Variants in OCLN observed in about 807,000 individuals in gnomAD.
The protein encoded by OCLN is phosphatase 1, regulatory subunit 115.
In OCLN, 21 loss-of-function variants were observed where a neutral mutation model predicts 47.9. That is an observed-to-expected ratio of 0.44 (90% confidence interval 0.31 to 0.63). The LOEUF is 0.63. Among genes scored for constraint, OCLN ranks in the 30% least tolerant of loss-of-function variants. OCLN has a pLI of 0.08. For missense variants in OCLN, 360 were observed against 571.0 expected, an observed-to-expected ratio of 0.63 and a Z score of 3.77; for synonymous variants, 117 against 198.4, an observed-to-expected ratio of 0.59 and a Z score of 3.45.
At chr5:69,531,426 C>T (rs1769428925) in intron 4 of OCLN, among the ~76,000 whole-genome samples, 1 of 152,172 alleles carries the variant, frequency 6.6e-6, no homozygotes. Context: ...CTAAAGCTCA[C>T]GCTGTGAGGA....
intron 7 of OCLN, among the ~76,000 whole-genome samples, chr5:69,550,212 G>T: frequency 1.0e-5 from 1 of 96,628 alleles, no homozygotes; most frequent in Non-Finnish European, 2.1e-5. Context: ...TTTTTTTTGA[G>T]ACGGAGTCTT....
At chr5:69,520,501 A>G (rs1012737231) in intron 4 of OCLN, among the ~76,000 whole-genome samples, 4 of 151,532 alleles carry the variant, frequency 2.6e-5, no homozygotes, top group Non-Finnish European at 5.9e-5. Flanking sequence ...GGGTTTCACC[A>G]TCTTGGCCAG....
chr5:69,525,152 T>A (rs1336238303), intron 4 of OCLN, among the ~76,000 whole-genome samples: 2 of 152,066 alleles, frequency 1.3e-5, no homozygotes, highest in African/African-American at 2.4e-5. Flanking sequence ...TCACCCAGGC[T>A]GGAGTGCAGT....
intron 1 of OCLN, among the ~76,000 whole-genome samples, chr5:69,494,053 C>T (rs987721008): frequency 1.3e-5 from 2 of 152,218 alleles, no homozygotes; most frequent in African/African-American, 4.8e-5. Context: ...ATTGGGATAC[C>T]TGGAAAAGAG....
intron 2 of OCLN, among the ~76,000 whole-genome samples, chr5:69,508,326 C>T (rs72773455): frequency 0.011 from 1,636 of 152,104 alleles, 17 homozygotes; most frequent in Non-Finnish European, 0.018. Flanking sequence ...AACAGCGTAT[C>T]TCAGTTTGGA....
Position 69,493,809 on chromosome 5 carries a change from G to A in OCLN, c.-69+909G>A, listed in dbSNP as rs941803688. 2.6e-5 allele frequency among the ~76,000 whole-genome samples: 4 copies of A among 152,196 alleles called. No homozygotes were observed. Among genetic ancestry groups the A allele is most frequent in the African/African-American group, 9.6e-5 (4 of 41,452 alleles). On this transcript the variant is annotated intron_variant, in intron 1 of 8. Coordinates refer to ENST00000396442, the MANE Select transcript of OCLN (RefSeq NM_001205254.2). The surrounding 1 kb of genome is among the most constrained non-coding windows in gnomAD (Gnocchi z 5.3). ...ATGTTGCCTGCGTCGGAGGAAGCGT[G>A]CGGGGAGCAGGGGTCGAGGGCCAAG...
intron 4 of OCLN, among the ~76,000 whole-genome samples, chr5:69,516,939 A>G (rs1195915315): frequency 6.6e-6 from 1 of 152,172 alleles, no homozygotes; most frequent in African/African-American, 2.4e-5. Flanking sequence ...GTATGCCTGT[A>G]GTCCCAGCTA....
intron 4 of OCLN, among the ~76,000 whole-genome samples, chr5:69,515,328 G>A (rs1768907958): frequency 7.0e-6 from 1 of 141,906 alleles, no homozygotes; most frequent in Non-Finnish European, 1.6e-5. Flanking sequence ...CCGGGCAGAG[G>A]GGCTCCTCAC....
chr5:69,538,131 T>G (rs1328253012), intron 5 of OCLN, among the ~76,000 whole-genome samples: 1 of 151,748 alleles, frequency 6.6e-6, no homozygotes, highest in Non-Finnish European at 1.5e-5. Context: ...TGCCGTATAC[T>G]TTTATTAGTC....
chr5:69,510,616 G>A (rs1391577848), intron 3 of OCLN, among the ~76,000 whole-genome samples: 5 of 152,098 alleles, frequency 3.3e-5, no homozygotes, highest in African/African-American at 1.2e-4. Context: ...CCCGGGAGGC[G>A]GAGCTTGCAG....
chr5:69,532,988 T>C (rs1003454141), intron 4 of OCLN, among the ~76,000 whole-genome samples: 20 of 80,098 alleles, frequency 2.5e-4, no homozygotes, highest in Non-Finnish European at 4.5e-4. Flanking sequence ...TATATATATA[T>C]GTATGCATGT....
intron 5 of OCLN, among the ~76,000 whole-genome samples, chr5:69,537,940 G>A (rs1769634295): frequency 8.7e-6 from 1 of 115,406 alleles, no homozygotes; most frequent in South Asian, 3.4e-4. Flanking sequence ...TGGTGACAGT[G>A]CCTTCTTCTG....
At chr5:69,550,512 A>C (rs1769838571) in intron 7 of OCLN, among the ~76,000 whole-genome samples, 1 of 150,726 alleles carries the variant, frequency 6.6e-6, no homozygotes, top group Non-Finnish European at 1.5e-5. Context: ...ACTAAAACTA[A>C]TTCCAGAATG....
intron 4 of OCLN, among the ~76,000 whole-genome samples, chr5:69,532,740 G>T (rs961858773): frequency 6.6e-6 from 1 of 152,056 alleles, no homozygotes; most frequent in African/African-American, 2.4e-5. Flanking sequence ...GGCCGAGGTG[G>T]GTGGATCATT....
intron 7 of OCLN, among the ~76,000 whole-genome samples, chr5:69,548,374 C>T (rs989247021): frequency 1.6e-4 from 23 of 147,358 alleles, no homozygotes; most frequent in Admixed American, 6.8e-4. Context: ...AGTGCAGTGG[C>T]GTGATCTCAG....
chr5:69,505,164 C>T (rs748794554), intron 2 of OCLN, among the ~76,000 whole-genome samples: 1 of 152,062 alleles, frequency 6.6e-6, no homozygotes, highest in African/African-American at 2.4e-5. Context: ...ACAGGAGAAT[C>T]GCTTGAACCC....
At chr5:69,549,797 T>G (rs1769813056) in intron 7 of OCLN, among the ~76,000 whole-genome samples, 1 of 151,792 alleles carries the variant, frequency 6.6e-6, no homozygotes, top group African/African-American at 2.4e-5. Flanking sequence ...TTTTATACTG[T>G]GAATTATAAT....
At chr5:69,512,987 C>T (rs1048246070) in intron 3 of OCLN, among the ~76,000 whole-genome samples, 1 of 152,116 alleles carries the variant, frequency 6.6e-6, no homozygotes, top group African/African-American at 2.4e-5. Context: ...ATTTAGAAGA[C>T]TGAAGGTTTT....
At chr5:69,500,119 G>C (rs1198079696) in intron 1 of OCLN, among the ~76,000 whole-genome samples, 1 of 152,190 alleles carries the variant, frequency 6.6e-6, no homozygotes, top group Admixed American at 6.5e-5. Flanking sequence ...TGCAAATCTG[G>C]ATAAGCGTGT....
Sources: gnomAD v4.1 joint callset for allele counts (sites outside exome capture counted in the v4.1 genomes callset) on GRCh38, gnomAD v4.1.1 for gene constraint, Gnocchi (gnomAD v3.1) non-coding constraint, MANE v1.5 for transcripts, NCBI Gene and HGNC (gene_info 2026-07-23, HGNC 2026-07-21) for gene names.